HHAT: variants seen among roughly 807,000 people sequenced by gnomAD.
HHAT encodes the protein protein-cysteine N-palmitoyltransferase HHAT.
HHAT carries 47 observed loss-of-function variants against 70.8 expected under a neutral mutation model. The ratio of observed to expected loss-of-function variants is 0.66; its 90% CI spans 0.53 to 0.85. The LOEUF is 0.85. HHAT is among the 40% of genes least tolerant of loss of function. The pLI is 0.00. For synonymous variants in HHAT, 228 were observed against 247.6 expected (o/e 0.92, Z 0.74); for missense variants, 609 against 604.8 (o/e 1.01, Z -0.07).
intron 7 of HHAT, among the ~76,000 whole-genome samples, chr1:210,458,228 T>C (rs2093910230): frequency 6.6e-6 from 1 of 152,120 alleles, no homozygotes; most frequent in Non-Finnish European, 1.5e-5. Context: ...TAATATGATA[T>C]ATGGGGGCAA....
chr1:210,579,005 C>G (rs1658564264), intron 9 of HHAT, among the ~76,000 whole-genome samples: 2 of 152,130 alleles, frequency 1.3e-5, no homozygotes, highest in Non-Finnish European at 2.9e-5. Flanking sequence ...ATGTCCTTTG[C>G]AAGAACATGG....
intron 7 of HHAT, chr1:210,462,404 T>G (rs1005615627): frequency 2.0e-5 from 3 of 152,252 alleles, no homozygotes; most frequent in African/African-American, 7.2e-5. Context: ...TGGTTCATTT[T>G]GCATGAGTTG....
At chr1:210,422,707 G>C (rs1451434059) in intron 7 of HHAT, among the ~76,000 whole-genome samples, 1 of 151,834 alleles carries the variant, frequency 6.6e-6, no homozygotes, top group Non-Finnish European at 1.5e-5. Flanking sequence ...GCATGACCTC[G>C]GCTTACTGCA....
chr1:210,468,031 AC>A (rs757292272), intron 8 of HHAT, among the ~76,000 whole-genome samples: 41 of 152,062 alleles, frequency 2.7e-4, no homozygotes, highest in Non-Finnish European at 1.6e-4. Flanking sequence ...GAAAGTTAGA[AC>A]CTGATGGGTT....
intron 8 of HHAT, among the ~76,000 whole-genome samples, chr1:210,493,415 C>T (rs762911383): frequency 3.0e-4 from 46 of 152,130 alleles, no homozygotes; most frequent in Non-Finnish European, 5.0e-4. Context: ...TTGGGGTCCT[C>T]GGTCTTTTCT....
chr1:210,531,327 G>T (rs1461005783), intron 9 of HHAT, among the ~76,000 whole-genome samples: 1 of 152,220 alleles, frequency 6.6e-6, no homozygotes, highest in Admixed American at 6.5e-5. Flanking sequence ...AGAACAGTCT[G>T]TATTTGAAAG....
At chr1:210,424,568 A>T (rs2093004430) in intron 7 of HHAT, among the ~76,000 whole-genome samples, 1 of 134,340 alleles carries the variant, frequency 7.4e-6, no homozygotes. Flanking sequence ...CTCATTAGTT[A>T]TTTTTCCTGA....
At chr1:210,666,854 A>T (rs1386936644) in intron 11 of HHAT, among the ~76,000 whole-genome samples, 2 of 152,008 alleles carry the variant, frequency 1.3e-5, no homozygotes, top group East Asian at 3.9e-4. Flanking sequence ...GCACTTTGGG[A>T]GGCCGAGGCA....
At chr1:210,626,585 C>T (rs1669883538) in intron 11 of HHAT, among the ~76,000 whole-genome samples, 1 of 152,096 alleles carries the variant, frequency 6.6e-6, no homozygotes, top group African/African-American at 2.4e-5. Flanking sequence ...TTCGTCTATT[C>T]CTTGCTGTGG....
intron 7 of HHAT, among the ~76,000 whole-genome samples, chr1:210,433,178 T>C (rs1207003348): frequency 1.3e-5 from 2 of 151,652 alleles, no homozygotes; most frequent in Non-Finnish European, 2.9e-5. Context: ...CCAAGCTGAG[T>C]GAGAGCTGCT....
intron 10 of HHAT, among the ~76,000 whole-genome samples, chr1:210,615,694 G>A (rs1392872119): frequency 6.6e-6 from 1 of 152,230 alleles, no homozygotes; most frequent in East Asian, 1.9e-4. Flanking sequence ...GAGTTTGCTG[G>A]AGGTCCACTC....
At chr1:210,510,826 C>G (rs558643514) in intron 8 of HHAT, among the ~76,000 whole-genome samples, 1 of 152,304 alleles carries the variant, frequency 6.6e-6, no homozygotes, top group South Asian at 2.1e-4. Context: ...ATTACTGTTT[C>G]AGTGCCTTCC....
intron 2 of HHAT, among the ~76,000 whole-genome samples, chr1:210,356,787 G>A (rs528411042): frequency 2.9e-4 from 44 of 152,324 alleles, no homozygotes; most frequent in African/African-American, 1.0e-3. Context: ...TTAGAGGAAC[G>A]TGGTTGCAAG....
At chr1:210,533,978 G>A (rs1052072166) in intron 9 of HHAT, among the ~76,000 whole-genome samples, 2 of 152,194 alleles carry the variant, frequency 1.3e-5, no homozygotes, top group Non-Finnish European at 2.9e-5. Flanking sequence ...TGTGGAAGAT[G>A]GCGTTAGGCA....
intron 8 of HHAT, among the ~76,000 whole-genome samples, chr1:210,505,615 C>T (rs376648508): frequency 6.6e-6 from 1 of 152,108 alleles, no homozygotes; most frequent in Non-Finnish European, 1.5e-5. Flanking sequence ...ATCACCCTAG[C>T]GATGTGCTTT....
At chr1:210,367,743 C>A (rs765087892) in intron 3 of HHAT, among the ~76,000 whole-genome samples, 1 of 152,164 alleles carries the variant, frequency 6.6e-6, no homozygotes, top group Non-Finnish European at 1.5e-5. Context: ...TGATCTTTGT[C>A]ATTTCTTTGA....
chr1:210,613,099 T>C (rs1261226036), intron 10 of HHAT, among the ~76,000 whole-genome samples: 2 of 130,738 alleles, frequency 1.5e-5, no homozygotes, highest in Admixed American at 1.5e-4. Context: ...ATTTGATGAA[T>C]AAAAGTTAAT....
At chr1:210,551,959 A>C (rs2095531393) in intron 9 of HHAT, among the ~76,000 whole-genome samples, 2 of 152,178 alleles carry the variant, frequency 1.3e-5, no homozygotes, top group African/African-American at 4.8e-5. Context: ...TTGGAACATG[A>C]GCTTTCCTTA....
At chr1:210,442,830 T>C (rs981154418) in intron 7 of HHAT, among the ~76,000 whole-genome samples, 2 of 152,234 alleles carry the variant, frequency 1.3e-5, no homozygotes, top group Admixed American at 6.5e-5. Flanking sequence ...TAGTTTCTTT[T>C]GCTGTGCAGA....
Sources: gnomAD v4.1 joint callset for allele counts (sites outside exome capture counted in the v4.1 genomes callset) on GRCh38, gnomAD v4.1.1 for gene constraint, MANE v1.5 for transcripts, NCBI Gene and HGNC (gene_info 2026-07-23, HGNC 2026-07-21) for gene names.